The following PDZRN4 variants were observed in gnomAD, a reference collection of about 807,000 sequenced individuals.
PDZRN4 encodes the protein PDZ domain-containing RING finger protein 4.
In PDZRN4, 70 loss-of-function variants were observed where a neutral mutation model predicts 99.0. The observed-to-expected ratio is 0.71, with a 90% confidence interval of 0.58 to 0.86. The LOEUF (loss-of-function observed/expected upper bound fraction) is 0.86. Among genes scored for constraint, PDZRN4 ranks in the 40% least tolerant of loss-of-function variants. PDZRN4 has a pLI of 0.00. For synonymous variants in PDZRN4, 551 were observed against 501.6 expected (o/e 1.10, Z -1.32); for missense variants, 1,474 against 1,331.2 (o/e 1.11, Z -1.67).
intron 3 of PDZRN4, among the ~76,000 whole-genome samples, chr12:41,408,213 T>C (rs184889387): frequency 3.5e-4 from 53 of 152,366 alleles, no homozygotes; most frequent in Non-Finnish European, 4.3e-4. Context: ...CATTTTGTAT[T>C]CTATAAAGAA....
intron 3 of PDZRN4, among the ~76,000 whole-genome samples, chr12:41,363,569 T>G (rs2121063332): frequency 6.6e-6 from 1 of 152,198 alleles, no homozygotes; most frequent in East Asian, 1.9e-4. Context: ...GATGCATTTG[T>G]TCAGGTTGCA....
intron 3 of PDZRN4, among the ~76,000 whole-genome samples, chr12:41,328,165 T>C (rs865801757): frequency 4.6e-5 from 7 of 152,134 alleles, no homozygotes; most frequent in African/African-American, 1.7e-4. Context: ...ACTTTAATTG[T>C]AAATATTCTT....
chr12:41,310,941 G>T (rs982791808), intron 3 of PDZRN4, among the ~76,000 whole-genome samples: 1 of 152,116 alleles, frequency 6.6e-6, no homozygotes, highest in Non-Finnish European at 1.5e-5. Flanking sequence ...TGAGCATATG[G>T]AAGTTCTACT....
chr12:41,249,517 G>A (rs1951154521), intron 3 of PDZRN4, among the ~76,000 whole-genome samples: 1 of 152,260 alleles, frequency 6.6e-6, no homozygotes, highest in South Asian at 2.1e-4. Context: ...GAGGATTTGG[G>A]GAAGAAGGTA....
chr12:41,318,768 G>C (rs780345305), intron 3 of PDZRN4, among the ~76,000 whole-genome samples: 5 of 152,058 alleles, frequency 3.3e-5, no homozygotes, highest in Non-Finnish European at 7.4e-5. Flanking sequence ...AATGTGAGTG[G>C]GGACAGGAAA....
chr12:41,242,781 T>C (rs1371679290), intron 3 of PDZRN4, among the ~76,000 whole-genome samples: 3 of 151,948 alleles, frequency 2.0e-5, no homozygotes, highest in African/African-American at 7.3e-5. Flanking sequence ...CCTTAACACG[T>C]TGGAGAGGAT....
intron 3 of PDZRN4, among the ~76,000 whole-genome samples, chr12:41,454,554 C>A (rs1870286): frequency 0.52 from 78,728 of 152,048 alleles, 20,930 homozygotes; most frequent in African/African-American, 0.65. Flanking sequence ...TCTTTGGGGT[C>A]ATTTGAGTGG....
intron 3 of PDZRN4, among the ~76,000 whole-genome samples, chr12:41,445,128 A>T (rs974816331): frequency 1.3e-5 from 2 of 152,034 alleles, no homozygotes; most frequent in Non-Finnish European, 2.9e-5. Flanking sequence ...TTTAGATGGA[A>T]TACTGTAGGA....
intron 5 of PDZRN4, among the ~76,000 whole-genome samples, chr12:41,515,100 C>T (rs112838640): frequency 0.035 from 5,366 of 152,078 alleles, 134 homozygotes; most frequent in Non-Finnish European, 0.052. Flanking sequence ...CACTAGCCAG[C>T]GGGGGCTGTC....
chr12:41,449,304 T>C (rs1952755146), intron 3 of PDZRN4, among the ~76,000 whole-genome samples: 1 of 152,180 alleles, frequency 6.6e-6, no homozygotes, highest in Admixed American at 6.6e-5. Flanking sequence ...TACCAAATGC[T>C]ATTGTTTTCT....
chr12:41,509,070 A>G (rs920295208), intron 4 of PDZRN4, among the ~76,000 whole-genome samples: 4 of 152,178 alleles, frequency 2.6e-5, no homozygotes, highest in Admixed American at 2.6e-4. Context: ...TTTACAAACT[A>G]TTTAAAAATT....
chr12:41,542,602 C>T (rs909324659), intron 5 of PDZRN4, among the ~76,000 whole-genome samples: 7 of 152,036 alleles, frequency 4.6e-5, no homozygotes, highest in African/African-American at 7.3e-5. Flanking sequence ...AGTTCCAGGT[C>T]GGAATGACTT....
intron 3 of PDZRN4, among the ~76,000 whole-genome samples, chr12:41,442,503 C>T (rs990181564): frequency 6.6e-6 from 1 of 152,140 alleles, no homozygotes; most frequent in Non-Finnish European, 1.5e-5. Flanking sequence ...CACCTTCACT[C>T]TCACAGCAGA....
At chr12:41,337,746 C>A (rs1439506545) in intron 3 of PDZRN4, among the ~76,000 whole-genome samples, 1 of 152,096 alleles carries the variant, frequency 6.6e-6, no homozygotes, top group African/African-American at 2.4e-5. Flanking sequence ...CTTCCTTGAT[C>A]ACCTGCAAAG....
chr12:41,446,711 G>A (rs1053001909), intron 3 of PDZRN4, among the ~76,000 whole-genome samples: 2 of 151,970 alleles, frequency 1.3e-5, no homozygotes, highest in African/African-American at 2.4e-5. Context: ...AGAAGAAAGT[G>A]TGGAAAGGTA....
chr12:41,337,113 A>G (rs1377826490), intron 3 of PDZRN4, among the ~76,000 whole-genome samples: 1 of 152,092 alleles, frequency 6.6e-6, no homozygotes, highest in Admixed American at 6.6e-5. Context: ...TCAGAGTCAC[A>G]CTATGAACTG....
rs193240166 is a variant in PDZRN4 at position 41,440,017 on chromosome 12, G to A, written c.844-66439G>A. On this transcript the variant is annotated intron_variant, in intron 3 of 9. Transcript: ENST00000402685. The stretch of plus-strand genomic sequence containing the variant: ...GCAAACTAGTTTCTATTTTTATTTG[G>A]AGGAAAGGCAGCTCAGAGCACACAT... Among the ~76,000 whole-genome samples, 404 of 152,212 alleles carry A rather than the reference G, an allele frequency of 2.7e-3. 3 individuals carry two copies. Among genetic ancestry groups the A allele is most frequent in the Middle Eastern group, 0.01 (3 of 294 alleles).
intron 3 of PDZRN4, among the ~76,000 whole-genome samples, chr12:41,407,697 TA>T (rs1354396858): frequency 2.9e-5 from 4 of 137,410 alleles, no homozygotes; most frequent in Admixed American, 2.2e-4. Context: ...CTGCAGTGTT[TA>T]CATGTACAAA....
At chr12:41,506,851 C>A in intron 4 of PDZRN4, 139 bp downstream of exon 4, 1 of 913,296 alleles carries the variant, frequency 1.1e-6, no homozygotes, top group Non-Finnish European at 1.6e-6. Context: ...AATGTCTCCC[C>A]TGTTTTGATA....
Sources: gnomAD v4.1 joint callset for allele counts (sites outside exome capture counted in the v4.1 genomes callset) on GRCh38, gnomAD v4.1.1 for gene constraint, MANE v1.5 for transcripts, NCBI Gene and HGNC (gene_info 2026-07-23, HGNC 2026-07-21) for gene names.